APPBP2: variants seen among roughly 807,000 people sequenced by gnomAD.
APPBP2 encodes amyloid beta precursor protein binding protein 2.
A neutral mutation model predicts 76.0 loss-of-function variants in APPBP2; 15 were observed. The observed-to-expected ratio is 0.20, with a 90% CI of 0.13 to 0.30. The LOEUF (loss-of-function observed/expected upper bound fraction) is 0.30. Ranked by LOEUF, APPBP2 falls within the 10% of genes least tolerant of loss-of-function variation. The pLI is 1.00. For synonymous variants in APPBP2, 222 were observed against 242.2 expected, an observed-to-expected ratio of 0.92 and a Z score of 0.77; for missense variants, 401 against 687.2, an observed-to-expected ratio of 0.58 and a Z score of 4.66.
At chr17:60,457,368 CT>C (rs1360366432) in intron 9 of APPBP2, among the ~76,000 whole-genome samples, 6 of 152,098 alleles carry the variant, frequency 3.9e-5, no homozygotes, top group Admixed American at 1.3e-4. Context: ...CTAATTCTCT[CT>C]TTTGTTGTAA....
rs1290154009 is a variant in APPBP2, at chr17:60,513,562, T to C, written c.138+12232A>G. Reference sequence around the variant, plus strand: ...GATAGATCCACCAAAATCAATGTTTTCTACATTTTTATTTTGAGGGCGGGC... The same window carrying C: ...GATAGATCCACCAAAATCAATGTTTCCTACATTTTTATTTTGAGGGCGGGC... On this transcript the variant is annotated intron_variant, in intron 1 of 12. Transcript: ENST00000083182. The C allele has an allele frequency of 8.7e-6, 4 of 457,444 alleles. No individual in the cohort carries two copies. The Admixed American group carries it at 9.5e-5, about 11-fold the overall frequency. 28.3% of individuals were successfully genotyped at this position (457,444 alleles called of 1,614,324 possible).
At chr17:60,491,137 G>T (rs556513975) in intron 3 of APPBP2, among the ~76,000 whole-genome samples, 5 of 152,284 alleles carry the variant, frequency 3.3e-5, no homozygotes, top group African/African-American at 1.2e-4. Context: ...CTAGAGACTT[G>T]TTGAATAGCT....
chr17:60,500,290 A>G (rs1483824463), intron 2 of APPBP2, 109 bp downstream of exon 2: 5 of 753,074 alleles, frequency 6.6e-6, no homozygotes, highest in East Asian at 2.9e-5. Context: ...TACAGGCGTA[A>G]GCCACAGCAC....
chr17:60,477,800 CAAAAAAAA>C (rs1177773203), intron 4 of APPBP2, among the ~76,000 whole-genome samples: 7 of 66,838 alleles, frequency 1.0e-4, no homozygotes, highest in African/African-American at 3.1e-4. Context: ...TCCAACTGGC[CAAAAAAAA>C]AAAAAAAAAA....
intron 4 of APPBP2, among the ~76,000 whole-genome samples, chr17:60,468,049 TGA>T (rs1338482617): frequency 5.3e-5 from 8 of 152,324 alleles, no homozygotes; most frequent in Non-Finnish European, 8.8e-5. Flanking sequence ...TATAATTTCC[TGA>T]GATGTTAGAA....
intron 3 of APPBP2, among the ~76,000 whole-genome samples, chr17:60,485,960 A>C (rs2090673936): frequency 6.6e-6 from 1 of 152,142 alleles, no homozygotes; most frequent in East Asian, 1.9e-4. Flanking sequence ...TTATTTACCC[A>C]GTAGTCATTC....
chr17:60,525,474 G>A (rs969972533), intron 1 of APPBP2, among the ~76,000 whole-genome samples: 1 of 152,194 alleles, frequency 6.6e-6, no homozygotes, highest in Admixed American at 6.5e-5. Flanking sequence ...ATACGGGCTA[G>A]AAGGAAAGGA....
chr17:60,503,145 C>A (rs1324112180), intron 1 of APPBP2, among the ~76,000 whole-genome samples: 2 of 144,104 alleles, frequency 1.4e-5, no homozygotes, highest in South Asian at 4.2e-4. Flanking sequence ...CCCGAATAGC[C>A]TGGACTACCG....
Position 60,475,453 on chromosome 17 carries a change from C to T in APPBP2, c.503+3695G>A, listed in dbSNP as rs79138429. On this transcript the variant is annotated intron_variant, in intron 4 of 12. Transcript: ENST00000083182. ...GTTCCTCGATTATTTCCCTCAGATA[C>T]GGTACATGGAGATATACTGGGTCTT... Among the ~76,000 whole-genome samples, 26 of 152,178 alleles carry T rather than the reference C, an allele frequency of 1.7e-4. 1 individual carries two copies. In the East Asian group the frequency reaches 3.9e-3, roughly 23 times the overall value.
At chr17:60,502,805 C>T (rs932473223) in intron 1 of APPBP2, among the ~76,000 whole-genome samples, 2 of 146,142 alleles carry the variant, frequency 1.4e-5, no homozygotes, top group African/African-American at 2.8e-5. Flanking sequence ...GAGCCAAGAT[C>T]GCGCCACTGC....
intron 11 of APPBP2, 34 bp from the exon 12 acceptor site, chr17:60,452,079 C>A: frequency 6.2e-7 from 1 of 1,602,652 alleles, no homozygotes; most frequent in Non-Finnish European, 8.5e-7. Flanking sequence ...AATCATTATA[C>A]TTTTTCTCAT....
At chr17:60,470,936 GTGC>G (rs2090547806) in intron 4 of APPBP2, among the ~76,000 whole-genome samples, 1 of 151,654 alleles carries the variant, frequency 6.6e-6, no homozygotes, top group South Asian at 2.1e-4. Context: ...GATTACAGGT[GTGC>G]ACCACCACGC....
chr17:60,480,774 G>T (rs1378426643), intron 3 of APPBP2, among the ~76,000 whole-genome samples: 2 of 152,104 alleles, frequency 1.3e-5, no homozygotes, highest in Non-Finnish European at 2.9e-5. Context: ...CAAGGACTCT[G>T]CAAACCACAT....
intron 2 of APPBP2, among the ~76,000 whole-genome samples, chr17:60,498,581 C>T (rs1318502743): frequency 6.6e-6 from 1 of 151,976 alleles, no homozygotes; most frequent in Non-Finnish European, 1.5e-5. Context: ...TAATAAAACA[C>T]CATATATATA....
chr17:60,519,129 A>ATT (rs538765568), intron 1 of APPBP2, among the ~76,000 whole-genome samples: 1 of 147,176 alleles, frequency 6.8e-6, no homozygotes, highest in African/African-American at 2.5e-5. Flanking sequence ...ACCTGAATAA[A>ATT]TTTTTTTTTT....
intron 4 of APPBP2, among the ~76,000 whole-genome samples, chr17:60,472,930 T>A (rs1295219117): frequency 6.6e-6 from 1 of 152,214 alleles, no homozygotes; most frequent in Non-Finnish European, 1.5e-5. Flanking sequence ...TCAATATCCC[T>A]TTTGTATTAA....
chr17:60,474,268 T>G (rs2143362676), intron 4 of APPBP2, among the ~76,000 whole-genome samples: 1 of 152,050 alleles, frequency 6.6e-6, no homozygotes, highest in South Asian at 2.1e-4. Flanking sequence ...CCTCCCAGGT[T>G]CAAGCGATTC....
At position 60,445,554 on chromosome 17, in the gene APPBP2, A is replaced by G. The variant is rs1351815093; in HGVS notation, c.*2027T>C. ...CACTGGATTCTAAATAACCAATAAAAGTATACAAAGCCTATCCTGAAAATA... is the reference window on the plus strand; with the variant it reads ...CACTGGATTCTAAATAACCAATAAAGGTATACAAAGCCTATCCTGAAAATA... On this transcript the variant is annotated 3_prime_UTR_variant, in exon 13 of 13. Coordinates refer to ENST00000083182, the MANE Select transcript of APPBP2 (RefSeq NM_006380.5). The G allele has an allele frequency of 6.5e-6, 1 of 152,686 alleles. No individual in the cohort carries two copies. Among genetic ancestry groups the G allele is most frequent in the African/African-American group, 2.4e-5 (1 of 41,468 alleles). The allele number at this position is 152,686 out of a possible 1,614,324, so 9.5% of individuals were successfully genotyped here. A position where few individuals can be genotyped will look rare whatever the true frequency, so the allele number is the denominator to read the frequency against.
At chr17:60,507,157 C>T (rs552180114) in intron 1 of APPBP2, among the ~76,000 whole-genome samples, 11 of 152,082 alleles carry the variant, frequency 7.2e-5, no homozygotes, top group Non-Finnish European at 7.4e-5. Context: ...TGAACCCATA[C>T]CCAAGTAGCA....
Sources: allele counts gnomAD v4.1 joint callset (sites outside exome capture counted in the v4.1 genomes callset), GRCh38; gene constraint gnomAD v4.1.1; transcripts MANE v1.5; gene names NCBI Gene and HGNC (gene_info 2026-07-23, HGNC 2026-07-21).